Variants in ARHGAP27 observed in about 807,000 individuals in gnomAD.
The protein encoded by ARHGAP27 is Rho GTPase activating protein 27.
Under a neutral mutation model 102.0 loss-of-function variants are expected in ARHGAP27, and 53 were observed. That is an observed-to-expected ratio of 0.52 (90% CI 0.42 to 0.65). The LOEUF (loss-of-function observed/expected upper bound fraction) is 0.65. Among genes scored for constraint, ARHGAP27 ranks in the 30% least tolerant of loss-of-function variants. ARHGAP27 has a pLI of 0.00. For synonymous variants in ARHGAP27, 525 were observed against 542.8 expected (o/e 0.97, Z 0.46); for missense variants, 1,117 against 1,256.2 (o/e 0.89, Z 1.68).
At position 45,427,422 on chromosome 17, in the gene ARHGAP27, C is replaced by G. The variant is rs547575238; in HGVS notation, c.657+2201G>C. The stretch of plus-strand genomic sequence containing the variant: ...TGAGTCCCCCAGGATCGTGGCTGTG[C>G]CTCAGTCCTCTCCAGATCCGAAGGC... On this transcript the variant is annotated intron_variant, in intron 4 of 19. Transcript: ENST00000685559. This position sits in a 1 kb window ranked among gnomAD's most constrained non-coding sequence, Gnocchi z 4.5. Among the ~76,000 whole-genome samples the G allele has an allele frequency of 6.6e-6, 1 of 152,368 alleles. No homozygotes were observed. The highest frequency in any genetic ancestry group is 2.4e-5 in the African/African-American group (1 of 41,586).
Position 45,395,576 on chromosome 17 carries a change from G to A in ARHGAP27, c.2550C>T (p.Phe850=), listed in dbSNP as rs749705809. The change falls in exon 20 of 20, where the codon TTC becomes TTT. Residue 850 remains phenylalanine, a synonymous_variant. Coordinates refer to ENST00000685559, the MANE Select transcript of ARHGAP27 (RefSeq NM_001282290.2). ...RMSVQSVAIV[F]GPTLLRPEVE... is the part of the protein sequence containing the mutation. ...CCTCGGGCCGCAGCAGCGTGGGCCC[G>A]AACACAATGGCCACGCTCTGCACCG... is the stretch of plus-strand genomic sequence containing the variant. 2.5e-6 allele frequency: 4 copies of A among 1,605,698 alleles called. No individual in the cohort carries two copies. Among genetic ancestry groups the A allele is most frequent in the Non-Finnish European group, 3.4e-6 (4 of 1,176,486 alleles).
At position 45,430,212 on chromosome 17, in the gene ARHGAP27, T is replaced by A; in HGVS notation, c.68A>T (p.Asp23Val). The change falls in exon 4 of 20, where the codon GAC (aspartate) becomes GTC (valine). Residue 23 changes from aspartate to valine, a missense_variant. Asp to Val is a radical substitution (Grantham distance 152). Coordinates refer to ENST00000685559, the MANE Select transcript of ARHGAP27 (RefSeq NM_001282290.2). This position sits in a 1 kb window ranked among gnomAD's most constrained non-coding sequence, Gnocchi z 4.4. ...CGGCCGGATGGCCACGCGGCGCCCG[T>A]CCTTGCCGGTGTACTCGAAGGGGTG... ...VEHPFEYTGKDGRRVAIRPNE... is the reference protein window; with the variant it reads ...VEHPFEYTGKVGRRVAIRPNE... 6.4e-7 allele frequency: 1 copy of A among 1,562,454 alleles called. No individual in the cohort carries two copies. The highest frequency in any genetic ancestry group is 8.6e-7 in the Non-Finnish European group (1 of 1,162,078).
chr17:45,424,094 C>T (rs1455044540), intron 4 of ARHGAP27, among the ~76,000 whole-genome samples: 1 of 152,284 alleles, frequency 6.6e-6, no homozygotes, highest in African/African-American at 2.4e-5. Flanking sequence ...TGGGCAGGGG[C>T]CCCTGCCCCC....
chr17:45,430,302 G>C lies in ARHGAP27; in HGVS notation c.-18-5C>G, dbSNP rs374222813. On this transcript the variant is annotated splice_polypyrimidine_tract_variant and splice_region_variant and intron_variant, in intron 3 of 19. Coordinates refer to ENST00000685559, the MANE Select transcript of ARHGAP27 (RefSeq NM_001282290.2). This position sits in a 1 kb window ranked among gnomAD's most constrained non-coding sequence, Gnocchi z 4.4. ...CATCGCAGCCGCGGCGTTTTCCTGC[G>C]GGCAACAAGAAGGAGGGCCGCGGAG... 1 of 1,548,054 alleles carries C rather than the reference G, an allele frequency of 6.5e-7. No individual in the cohort carries two copies.
intron 4 of ARHGAP27, among the ~76,000 whole-genome samples, chr17:45,418,271 TAAA>T (rs66460873): frequency 9.0e-5 from 9 of 100,150 alleles, no homozygotes; most frequent in Non-Finnish European, 1.4e-4. Flanking sequence ...TAATAAAAAG[TAAA>T]AAAAAAAAAA....
intron 4 of ARHGAP27, among the ~76,000 whole-genome samples, chr17:45,412,205 T>C (rs993912704): frequency 6.6e-6 from 1 of 152,226 alleles, no homozygotes; most frequent in Non-Finnish European, 1.5e-5. Context: ...AGTTCCTGCC[T>C]GCTCTTGGCC....
chr17:45,396,408 G>A, intron 16 of ARHGAP27, 79 bp downstream of exon 16: 1 of 1,468,110 alleles, frequency 6.8e-7, no homozygotes, highest in Admixed American at 2.3e-5. Context: ...GTCCATCCAG[G>A]GGTCTCCAGC....
chr17:45,426,051 C>T (rs145687922), intron 4 of ARHGAP27, among the ~76,000 whole-genome samples: 1 of 152,288 alleles, frequency 6.6e-6, no homozygotes, highest in Non-Finnish European at 1.5e-5. Context: ...GAAGAAGGAG[C>T]ATGTGCCTGC....
intron 3 of ARHGAP27, among the ~76,000 whole-genome samples, chr17:45,431,235 C>A (rs1335548915): frequency 6.6e-6 from 1 of 152,234 alleles, no homozygotes; most frequent in Admixed American, 6.5e-5. Context: ...CCCGCCCGGG[C>A]TTCGGGGTGT....
chr17:45,423,981 A>G (rs1024819593), intron 4 of ARHGAP27, among the ~76,000 whole-genome samples: 2 of 152,244 alleles, frequency 1.3e-5, no homozygotes. Flanking sequence ...AACTGGGCCA[A>G]GGAGGAGAAA....
intron 5 of ARHGAP27, 98 bp from the exon 6 acceptor site, chr17:45,405,204 C>T (rs1399711563): frequency 3.7e-6 from 5 of 1,345,346 alleles, no homozygotes; most frequent in South Asian, 1.5e-5. Flanking sequence ...CCTTCTGGTC[C>T]CTGAGGCTGT....
chr17:45,430,400 G>T lies in ARHGAP27; in HGVS notation c.-18-103C>A, dbSNP rs1336203056. ...GGGTTCGAGTCCCGATCCTGCACTC[G>T]CCGTTCGCCTTCGGGCCTCAGTTTT... On this transcript the variant is annotated intron_variant, in intron 3 of 19. Transcript: ENST00000685559. The surrounding 1 kb of genome is among the most constrained non-coding windows in gnomAD (Gnocchi z 4.4). The T allele has an allele frequency of 6.9e-7, 1 of 1,446,586 alleles. No individual in the cohort carries two copies. The highest frequency in any genetic ancestry group is 9.0e-7 in the Non-Finnish European group (1 of 1,105,462). 89.6% of individuals were successfully genotyped at this position (1,446,586 alleles called of 1,614,324 possible). A position where few individuals can be genotyped will look rare whatever the true frequency, so the allele number is the denominator to read the frequency against.
At chr17:45,414,105 C>CAAAAAAAAAAAAA (rs11311214) in intron 4 of ARHGAP27, among the ~76,000 whole-genome samples, 1 of 142,968 alleles carries the variant, frequency 7.0e-6, no homozygotes, top group Non-Finnish European at 1.5e-5. Context: ...GACTCCATCT[C>CAAAAAAAAAAAAA]AAAAAAAAAA....
chr17:45,431,239 G>T (rs1308820653), intron 3 of ARHGAP27, among the ~76,000 whole-genome samples: 3 of 152,206 alleles, frequency 2.0e-5, no homozygotes, highest in Admixed American at 6.5e-5. Flanking sequence ...CCCGGGCTTC[G>T]GGGTGTCAGG....
Position 45,396,759 on chromosome 17 carries a change from C to T in ARHGAP27, c.1983G>A (p.Glu661=), listed in dbSNP as rs186678479. 14 of 1,613,566 alleles carry T rather than the reference C, an allele frequency of 8.7e-6. No homozygotes were observed. Among genetic ancestry groups the T allele is most frequent in the Middle Eastern group, 3.3e-4 (2 of 6,060 alleles). ...AAPALGPVGL[E]SDLSKVRHKL... is the part of the protein sequence containing the mutation. ...TGTGCCGGACCTTGCTCAAGTCGCT[C>T]TCCAGGCCCACGGGGCCCAGGGCGG... The change falls in exon 15 of 20, where the codon GAG becomes GAA. Residue 661 remains glutamate, a synonymous_variant. Transcript: ENST00000685559.
At chr17:45,407,404 G>A (rs185994679) in intron 4 of ARHGAP27, 13 of 152,050 alleles carry the variant, frequency 8.5e-5, no homozygotes, top group Admixed American at 6.6e-4. Flanking sequence ...ATTCAGCCCA[G>A]CACCCTTGGC....
chr17:45,403,882 CT>C, intron 10 of ARHGAP27, 146 bp downstream of exon 10: 1 of 1,061,592 alleles, frequency 9.4e-7, no homozygotes, highest in Non-Finnish European at 1.4e-6. Context: ...GAGCAAGTCA[CT>C]TTATCTCACA....
chr17:45,430,180 G>A lies in ARHGAP27; in HGVS notation c.100C>T (p.Arg34Cys), dbSNP rs563835829. 4 of 1,542,984 alleles carry A rather than the reference G, an allele frequency of 2.6e-6. No homozygotes were observed. The highest frequency in any genetic ancestry group is 1.2e-5 in the South Asian group (1 of 84,718). The change falls in exon 4 of 20, where the codon CGC (arginine) becomes TGC (cysteine). Residue 34 changes from arginine to cysteine, a missense_variant. Physicochemically the swap from Arg to Cys is radical, Grantham distance 180 (BLOSUM62 -3). This residue lies in a region of ARHGAP27 where 610 missense variants were observed against 716.4 expected (regional missense o/e 0.85). Coordinates refer to ENST00000685559, the MANE Select transcript of ARHGAP27 (RefSeq NM_001282290.2). This position sits in a 1 kb window ranked among gnomAD's most constrained non-coding sequence, Gnocchi z 4.4. ...GTGCTGCGCCGCAGCAGCCGGTAGC[G>A]CTCATTCGGCCGGATGGCCACGCGG... ...GRRVAIRPNE[R>C]YRLLRRSTEH... is the part of the protein sequence containing the mutation.
chr17:45,416,575 G>C (rs750030271), intron 4 of ARHGAP27, among the ~76,000 whole-genome samples: 174 of 149,646 alleles, frequency 1.2e-3, no homozygotes, highest in Non-Finnish European at 2.0e-3. Context: ...TTGAGATGGA[G>C]TCTAGCTCTG....
Sources: allele counts gnomAD v4.1 joint callset (sites outside exome capture counted in the v4.1 genomes callset), GRCh38; gene constraint gnomAD v4.1.1; regional missense constraint gnomAD v4.1.1; non-coding constraint Gnocchi (gnomAD v3.1); transcripts MANE v1.5; gene names NCBI Gene and HGNC (gene_info 2026-07-23, HGNC 2026-07-21).